PCSK2: variants seen among roughly 807,000 people sequenced by gnomAD.
PCSK2 encodes neuroendocrine convertase 2.
A neutral mutation model predicts 69.7 loss-of-function variants in PCSK2; 14 were observed. That is an observed-to-expected ratio of 0.20 (90% CI 0.13 to 0.31). The LOEUF (loss-of-function observed/expected upper bound fraction) is 0.31. PCSK2 is among the 10% of genes least tolerant of loss of function. The pLI is 1.00. For synonymous variants in PCSK2, 307 were observed against 320.7 expected, an observed-to-expected ratio of 0.96 and a Z score of 0.46; for missense variants, 544 against 842.5, an observed-to-expected ratio of 0.65 and a Z score of 4.39.
chr20:17,464,423 T>C (rs1485689552), intron 10 of PCSK2: 1 of 152,158 alleles, frequency 6.6e-6, no homozygotes, highest in Non-Finnish European at 1.5e-5. Context: ...ACTAAGGATA[T>C]AAATATGCTA....
In PCSK2 at chr20:17,344,991, A is replaced by T. The variant is rs180864839; in HGVS notation, c.283-13336A>T. On this transcript the variant is annotated intron_variant, in intron 2 of 11. Coordinates refer to ENST00000262545, the MANE Select transcript of PCSK2 (RefSeq NM_002594.5). ...CCAGCATCTTTGCAAAAAGCTGCCT[A>T]ATTAATGACTTCATGCACAAGTGTG... is the stretch of plus-strand genomic sequence containing the variant. Among the ~76,000 whole-genome samples the T allele has an allele frequency of 2.6e-5, 4 of 152,336 alleles. No individual in the cohort carries two copies. In the East Asian group the frequency reaches 7.7e-4, roughly 29 times the overall value.
At chr20:17,476,012 G>A (rs1016897932) in intron 11 of PCSK2, among the ~76,000 whole-genome samples, 2 of 152,154 alleles carry the variant, frequency 1.3e-5, no homozygotes, top group African/African-American at 4.8e-5. Context: ...AGCCCCTCTG[G>A]CTCAACTCTA....
intron 5 of PCSK2, among the ~76,000 whole-genome samples, chr20:17,375,671 C>G (rs2030903535): frequency 6.6e-6 from 1 of 152,184 alleles, no homozygotes; most frequent in Non-Finnish European, 1.5e-5. Flanking sequence ...AACTCCTGTT[C>G]TGATGGCTGG....
rs1408207461 is a variant in PCSK2, at chr20:17,227,450, G to A, written c.145G>A (p.Val49Ile). Reference sequence around the variant, plus strand: ...AGGGGGAGAGGACAAAGCTCGCCAAGTTGCAGCAGAACACGGCTTTGGAGT... The same window carrying A: ...AGGGGGAGAGGACAAAGCTCGCCAAATTGCAGCAGAACACGGCTTTGGAGT... ...HKGGEDKARQ[V>I]AAEHGFGVRK... is the part of the protein sequence containing the mutation. The change falls in exon 1 of 12, where the codon GTT (valine) becomes ATT (isoleucine). Residue 49 changes from valine to isoleucine, a missense_variant. Coordinates refer to ENST00000262545, the MANE Select transcript of PCSK2 (RefSeq NM_002594.5). 6.2e-7 allele frequency: 1 copy of A among 1,614,016 alleles called. No homozygotes were observed. Among genetic ancestry groups the A allele is most frequent in the South Asian group, 1.1e-5 (1 of 91,078 alleles).
At chr20:17,361,769 A>T (rs1020368431) in intron 4 of PCSK2, among the ~76,000 whole-genome samples, 2 of 152,218 alleles carry the variant, frequency 1.3e-5, no homozygotes, top group African/African-American at 4.8e-5. Context: ...GACATTTTTA[A>T]GTGGATGTAA....
chr20:17,258,422 C>T (rs1298742311), intron 1 of PCSK2, among the ~76,000 whole-genome samples: 1 of 152,020 alleles, frequency 6.6e-6, no homozygotes, highest in Non-Finnish European at 1.5e-5. Flanking sequence ...TTTGAAGGTT[C>T]TTATTCTATC....
At chr20:17,476,604 A>G (rs1300479531) in intron 11 of PCSK2, among the ~76,000 whole-genome samples, 1 of 152,226 alleles carries the variant, frequency 6.6e-6, no homozygotes, top group Admixed American at 6.5e-5. Flanking sequence ...ATATGTGCAT[A>G]TATAATGTAT....
At chr20:17,367,859 T>C (rs951231402) in intron 4 of PCSK2, among the ~76,000 whole-genome samples, 1 of 152,176 alleles carries the variant, frequency 6.6e-6, no homozygotes, top group African/African-American at 2.4e-5. Flanking sequence ...AAAATATTTG[T>C]CTTTAAATAT....
At chr20:17,371,705 T>G (rs1193582792) in intron 5 of PCSK2, among the ~76,000 whole-genome samples, 2 of 152,142 alleles carry the variant, frequency 1.3e-5, no homozygotes, top group Admixed American at 1.3e-4. Flanking sequence ...ATTCTTCCCT[T>G]CTGCTTGATG....
At chr20:17,355,646 C>G (rs376390696) in intron 2 of PCSK2, among the ~76,000 whole-genome samples, 2 of 85,800 alleles carry the variant, frequency 2.3e-5, no homozygotes, top group Non-Finnish European at 4.8e-5. Context: ...CATGTGTGCA[C>G]GCAAACACAC....
At chr20:17,386,436 G>A (rs1004667140) in intron 5 of PCSK2, among the ~76,000 whole-genome samples, 7 of 151,984 alleles carry the variant, frequency 4.6e-5, no homozygotes, top group African/African-American at 1.7e-4. Flanking sequence ...AGATCCTAAG[G>A]TCCTAAGATT....
Position 17,415,541 on chromosome 20 carries a change from C to G in PCSK2, c.620+6202C>G, listed in dbSNP as rs8116890. On this transcript the variant is annotated intron_variant, in intron 6 of 11. Transcript: ENST00000262545. ...GCTGCTCAACAAAAGAGGACACAAA[C>G]AAATGGAAGAACATTCCATGCTCAT... 4.1e-4 allele frequency among the ~76,000 whole-genome samples: 63 copies of G among 152,250 alleles called. 1 individual carries two copies. Among genetic ancestry groups the G allele is most frequent in the African/African-American group, 1.3e-3 (54 of 41,536 alleles).
chr20:17,381,675 A>T (rs556236517), intron 5 of PCSK2, among the ~76,000 whole-genome samples: 1 of 152,294 alleles, frequency 6.6e-6, no homozygotes, highest in South Asian at 2.1e-4. Context: ...GTCTTTGTTG[A>T]TCAATCAAAA....
chr20:17,370,882 A>G (rs905182552), intron 5 of PCSK2, among the ~76,000 whole-genome samples: 2 of 152,248 alleles, frequency 1.3e-5, no homozygotes, highest in Middle Eastern at 3.4e-3. Flanking sequence ...GCTCTGATGT[A>G]TCTGGGGCTG....
intron 2 of PCSK2, among the ~76,000 whole-genome samples, chr20:17,289,452 C>T (rs1332040590): frequency 1.3e-5 from 2 of 152,098 alleles, no homozygotes; most frequent in Admixed American, 6.5e-5. Context: ...TATGGGAACC[C>T]TCTGTACTTT....
intron 9 of PCSK2, among the ~76,000 whole-genome samples, chr20:17,455,171 G>T (rs1600593802): frequency 6.6e-6 from 1 of 151,974 alleles, no homozygotes; most frequent in African/African-American, 2.4e-5. Flanking sequence ...TCCTCGACCC[G>T]TATTTATGAC....
intron 1 of PCSK2, among the ~76,000 whole-genome samples, chr20:17,255,967 G>A (rs1987162787): frequency 6.6e-6 from 1 of 152,056 alleles, no homozygotes; most frequent in Non-Finnish European, 1.5e-5. Context: ...GGTGACACAG[G>A]CCTCAATGAA....
chr20:17,243,473 T>C (rs927141030), intron 1 of PCSK2, among the ~76,000 whole-genome samples: 1 of 152,226 alleles, frequency 6.6e-6, no homozygotes, highest in Non-Finnish European at 1.5e-5. Context: ...GTGCTGGAAT[T>C]ACAGGCCACC....
At chr20:17,445,450 A>G (rs1360291174) in intron 8 of PCSK2, among the ~76,000 whole-genome samples, 2 of 152,234 alleles carry the variant, frequency 1.3e-5, no homozygotes, top group African/African-American at 4.8e-5. Context: ...TAAGGTACAG[A>G]TGAGACAGCG....
Sources: gnomAD v4.1 joint callset for allele counts (sites outside exome capture counted in the v4.1 genomes callset) on GRCh38, gnomAD v4.1.1 for gene constraint, MANE v1.5 for transcripts, NCBI Gene and HGNC (gene_info 2026-07-23, HGNC 2026-07-21) for gene names.